Variants in EFCAB13 observed in about 807,000 individuals in gnomAD.
The protein encoded by EFCAB13 is EF-hand calcium binding domain 13, also known as EF-hand calcium-binding domain-containing protein 13.
Under a neutral mutation model 110.2 loss-of-function variants are expected in EFCAB13, and 91 were observed. That is an observed-to-expected ratio of 0.83 (90% CI 0.70 to 0.98). EFCAB13 has a LOEUF of 0.98. Among genes scored for constraint, EFCAB13 ranks in the 50% least tolerant of loss-of-function variants. The pLI is 0.00. For synonymous variants in EFCAB13, 323 were observed against 369.9 expected, an observed-to-expected ratio of 0.87 and a Z score of 1.45; for missense variants, 968 against 1,119.4, an observed-to-expected ratio of 0.86 and a Z score of 1.93.
intron 14 of EFCAB13, among the ~76,000 whole-genome samples, chr17:47,379,802 G>T (rs1407762259): frequency 5.9e-5 from 9 of 152,084 alleles, no homozygotes; most frequent in Non-Finnish European, 8.8e-5. Context: ...AGAAACGAAA[G>T]ATATTAAGGC....
intron 17 of EFCAB13, among the ~76,000 whole-genome samples, chr17:47,400,338 C>G (rs964772961): frequency 1.3e-5 from 2 of 152,198 alleles, no homozygotes; most frequent in Non-Finnish European, 2.9e-5. Flanking sequence ...AAATTCTTGA[C>G]AGCAGCTCTA....
intron 23 of EFCAB13, among the ~76,000 whole-genome samples, chr17:47,425,584 T>C (rs904286942): frequency 6.6e-6 from 1 of 152,222 alleles, no homozygotes; most frequent in African/African-American, 2.4e-5. Flanking sequence ...ACTTACCACT[T>C]GCAGCCAAGT....
At chr17:47,375,266 T>C (rs2065608411) in intron 12 of EFCAB13, among the ~76,000 whole-genome samples, 1 of 152,112 alleles carries the variant, frequency 6.6e-6, no homozygotes, top group African/African-American at 2.4e-5. Flanking sequence ...ACTTTGTAAA[T>C]GTGATTAATG....
At chr17:47,410,440 A>G (rs1195881913) in intron 21 of EFCAB13, among the ~76,000 whole-genome samples, 3 of 152,206 alleles carry the variant, frequency 2.0e-5, no homozygotes, top group Admixed American at 6.5e-5. Flanking sequence ...TGGGGGACAC[A>G]ATCAAACCAT....
intron 5 of EFCAB13, chr17:47,339,802 GTT>G (rs927062252): frequency 5.3e-5 from 8 of 151,806 alleles, no homozygotes; most frequent in Middle Eastern, 3.2e-3. Flanking sequence ...TTAAAAAGAA[GTT>G]CAGCTTCTAG....
chr17:47,421,242 T>G (rs1904694368), intron 23 of EFCAB13, among the ~76,000 whole-genome samples: 1 of 152,066 alleles, frequency 6.6e-6, no homozygotes, highest in Non-Finnish European at 1.5e-5. Flanking sequence ...ATCGGATGGT[T>G]GCCGTGTCTG....
chr17:47,325,682 C>T (rs1291085895), intron 2 of EFCAB13, among the ~76,000 whole-genome samples: 1 of 151,844 alleles, frequency 6.6e-6, no homozygotes, highest in East Asian at 1.9e-4. Flanking sequence ...CAGCTCCCTA[C>T]TTCAGTTCTT....
At chr17:47,332,175 A>G (rs1177898445) in intron 4 of EFCAB13, among the ~76,000 whole-genome samples, 1 of 152,140 alleles carries the variant, frequency 6.6e-6, no homozygotes, top group Non-Finnish European at 1.5e-5. Flanking sequence ...ACCATTTTGC[A>G]TTCCCATCAG....
In EFCAB13 at chr17:47,324,028, G is replaced by C. The variant is rs1035018936; in HGVS notation, c.-364G>C. On this transcript the variant is annotated 5_prime_UTR_variant, in exon 1 of 25. Transcript: ENST00000331493. The stretch of plus-strand genomic sequence containing the variant: ...AGGGGCGGCAGGGGCTGACCACAGA[G>C]AGCGCGGGGGCCTCCAGCCGAGAGG... 1 of 152,672 alleles carries C rather than the reference G, an allele frequency of 6.5e-6. No homozygotes were observed. The highest frequency in any genetic ancestry group is 1.5e-5 in the Non-Finnish European group (1 of 68,458). 9.5% of individuals were successfully genotyped at this position (152,672 alleles called of 1,614,324 possible). A position where few individuals can be genotyped will look rare whatever the true frequency, so the allele number is the denominator to read the frequency against.
chr17:47,367,305 T>G (rs531697855), intron 10 of EFCAB13, among the ~76,000 whole-genome samples: 2 of 152,354 alleles, frequency 1.3e-5, no homozygotes, highest in African/African-American at 4.8e-5. Context: ...TTTACCAATT[T>G]TCAGAGAATC....
chr17:47,419,822 T>C (rs1904570842), intron 23 of EFCAB13, among the ~76,000 whole-genome samples: 1 of 152,136 alleles, frequency 6.6e-6, no homozygotes, highest in South Asian at 2.1e-4. Context: ...CTGTGAACAT[T>C]GTATTCTATA....
intron 18 of EFCAB13, 23 bp downstream of exon 18, chr17:47,402,226 C>T (rs145070701): frequency 4.6e-5 from 73 of 1,596,188 alleles, no homozygotes; most frequent in Middle Eastern, 1.7e-4. Context: ...TTATTTATAA[C>T]GGTTAGATTT....
At chr17:47,414,258 C>T (rs1227326691) in intron 22 of EFCAB13, among the ~76,000 whole-genome samples, 4 of 149,548 alleles carry the variant, frequency 2.7e-5, no homozygotes, top group South Asian at 4.3e-4. Flanking sequence ...TGTGCACGTG[C>T]GTGTGTGTGT....
At position 47,419,971 on chromosome 17, in the gene EFCAB13, C is replaced by T. The variant is rs530739804; in HGVS notation, c.2494+5052C>T. ...CTCCCCACGGTCTCCCTCTCCCTCT[C>T]TTTCCACGGTCTCCCTCTGATGCCG... On this transcript the variant is annotated intron_variant, in intron 23 of 24. Transcript: ENST00000331493. Among the ~76,000 whole-genome samples, 20 of 152,212 alleles carry T rather than the reference C, an allele frequency of 1.3e-4. No homozygotes were observed. In the South Asian group the frequency reaches 4.2e-3, roughly 32 times the overall value.
At position 47,324,438 on chromosome 17, in the gene EFCAB13, C is replaced by T. The variant is rs939521357; in HGVS notation, c.-317-16C>T. On this transcript the variant is annotated splice_polypyrimidine_tract_variant and intron_variant, in intron 1 of 24. Transcript: ENST00000331493. ...TCGTTCACTCGCTAGCTTACAGGTC[C>T]TCTTTCTTCCTGTAGAAGTCGTTGG... 2 of 152,120 alleles carry T rather than the reference C, an allele frequency of 1.3e-5. No individual in the cohort carries two copies. The highest frequency in any genetic ancestry group is 6.5e-5 in the Admixed American group (1 of 15,274). The allele number at this position is 152,120 out of a possible 1,614,324, so 9.4% of individuals were successfully genotyped here.
At chr17:47,428,000 C>T (rs371033235) in intron 23 of EFCAB13, among the ~76,000 whole-genome samples, 13 of 151,740 alleles carry the variant, frequency 8.6e-5, no homozygotes, top group African/African-American at 2.9e-4. Context: ...ACATTGTAGT[C>T]ATATTTTAGG....
chr17:47,342,764 T>C (rs896905715), intron 6 of EFCAB13, among the ~76,000 whole-genome samples: 2 of 152,182 alleles, frequency 1.3e-5, no homozygotes, highest in African/African-American at 4.8e-5. Flanking sequence ...GTATTAGATT[T>C]TGTCATCCTG....
At chr17:47,404,066 TA>T in intron 19 of EFCAB13, 45 bp downstream of exon 19, 2 of 1,477,420 alleles carry the variant, frequency 1.4e-6, no homozygotes, top group Non-Finnish European at 1.8e-6. Flanking sequence ...TTTGTAGGAG[TA>T]AAGAAGATGT....
chr17:47,346,352 C>CT (rs2065415699), intron 8 of EFCAB13, among the ~76,000 whole-genome samples: 1 of 150,248 alleles, frequency 6.7e-6, no homozygotes, highest in African/African-American at 2.5e-5. Context: ...CCTTCATATT[C>CT]ATTCATGTTA....
Sources: gnomAD v4.1 joint callset for allele counts (sites outside exome capture counted in the v4.1 genomes callset) on GRCh38, gnomAD v4.1.1 for gene constraint, MANE v1.5 for transcripts, NCBI Gene and HGNC (gene_info 2026-07-23, HGNC 2026-07-21) for gene names.